Variants in GABPB1 observed in about 807,000 individuals in gnomAD.
The protein encoded by GABPB1 is GA-binding protein subunit beta-1.
GABPB1 carries 15 observed loss-of-function variants against 45.9 expected under a neutral mutation model. The observed-to-expected ratio is 0.33, with a 90% CI of 0.22 to 0.50. The LOEUF is 0.50. Among genes scored for constraint, GABPB1 ranks in the 20% least tolerant of loss-of-function variants. The pLI is 0.98. For synonymous variants in GABPB1, 143 were observed against 154.4 expected (o/e 0.93, Z 0.55); for missense variants, 252 against 457.5 (o/e 0.55, Z 4.10).
intron 2 of GABPB1, 31 bp downstream of exon 2, chr15:50,309,660 A>G (rs1567509285): frequency 7.6e-7 from 1 of 1,308,378 alleles, no homozygotes; most frequent in African/African-American, 1.5e-5. Flanking sequence ...GAGAAGGAAA[A>G]AGAACACACA....
intron 1 of GABPB1, among the ~76,000 whole-genome samples, chr15:50,314,958 T>C (rs62022570): frequency 0.28 from 42,915 of 152,200 alleles, 7,498 homozygotes; most frequent in Middle Eastern, 0.42. Flanking sequence ...AGTGATTTTA[T>C]GTGCTGGTAT....
chr15:50,311,497 T>C (rs1330814167), intron 1 of GABPB1, among the ~76,000 whole-genome samples: 1 of 152,192 alleles, frequency 6.6e-6, no homozygotes, highest in Admixed American at 6.5e-5. Context: ...ACAGGTTGAG[T>C]ATCCCTAATC....
chr15:50,316,733 AAAC>A (rs761125093), intron 1 of GABPB1, among the ~76,000 whole-genome samples: 16 of 152,246 alleles, frequency 1.1e-4, no homozygotes, highest in Non-Finnish European at 2.2e-4. Flanking sequence ...ATAAGGAAAA[AAAC>A]AACCACAAAC....
At chr15:50,290,893 T>G (rs1484990239) in intron 6 of GABPB1, among the ~76,000 whole-genome samples, 1 of 152,214 alleles carries the variant, frequency 6.6e-6, no homozygotes, top group African/African-American at 2.4e-5. Flanking sequence ...AATCACAAGT[T>G]AATACTGCCA....
chr15:50,317,823 G>A (rs995422538), intron 1 of GABPB1, among the ~76,000 whole-genome samples: 2 of 151,370 alleles, frequency 1.3e-5, no homozygotes, highest in Non-Finnish European at 2.9e-5. Context: ...GCAGGAGAAT[G>A]GCGCGAACCC....
At chr15:50,285,814 A>C (rs1233474427) in intron 8 of GABPB1, 1 of 1,269,054 alleles carries the variant, frequency 7.9e-7, no homozygotes, top group African/African-American at 1.5e-5. Flanking sequence ...ATGAAGTGGA[A>C]GAACCAAAGA....
At chr15:50,305,316 A>G (rs548385456) in intron 2 of GABPB1, among the ~76,000 whole-genome samples, 47 of 142,514 alleles carry the variant, frequency 3.3e-4, no homozygotes, top group African/African-American at 1.3e-3. Flanking sequence ...AGATAGATAT[A>G]TTTTTTGTTT....
intron 1 of GABPB1, among the ~76,000 whole-genome samples, chr15:50,341,361 C>T (rs538765748): frequency 3.3e-5 from 5 of 152,060 alleles, no homozygotes; most frequent in South Asian, 2.1e-4. Context: ...GGAGAAACCC[C>T]GTCTCTACTA....
At chr15:50,281,027 C>T (rs998246410) in intron 8 of GABPB1, among the ~76,000 whole-genome samples, 1 of 152,212 alleles carries the variant, frequency 6.6e-6, no homozygotes, top group African/African-American at 2.4e-5. Context: ...CATATTTTAA[C>T]TTCAAGAAGT....
At chr15:50,304,448 C>A (rs1217898175) in intron 2 of GABPB1, among the ~76,000 whole-genome samples, 1 of 152,144 alleles carries the variant, frequency 6.6e-6, no homozygotes, top group Admixed American at 6.6e-5. Context: ...TGGTGGCTCA[C>A]GCCTGTAATC....
At chr15:50,310,925 C>T (rs751535595) in intron 1 of GABPB1, among the ~76,000 whole-genome samples, 4 of 150,444 alleles carry the variant, frequency 2.7e-5, no homozygotes, top group Non-Finnish European at 4.4e-5. Flanking sequence ...TGCAGTGAGC[C>T]GAGATCATGC....
At chr15:50,288,294 A>G (rs947134986) in intron 7 of GABPB1, among the ~76,000 whole-genome samples, 1 of 152,192 alleles carries the variant, frequency 6.6e-6, no homozygotes, top group Non-Finnish European at 1.5e-5. Context: ...GGCCTCAAGC[A>G]ATCATCCCAC....
intron 6 of GABPB1, among the ~76,000 whole-genome samples, chr15:50,300,037 G>A (rs1380631601): frequency 6.6e-6 from 1 of 151,994 alleles, no homozygotes; most frequent in Non-Finnish European, 1.5e-5. Context: ...AGGGTTCTGG[G>A]CTCAAGCAAT....
intron 1 of GABPB1, among the ~76,000 whole-genome samples, chr15:50,336,102 G>A (rs1230624125): frequency 6.6e-6 from 1 of 151,908 alleles, no homozygotes; most frequent in African/African-American, 2.4e-5. Context: ...TGTAATCCCA[G>A]CACTTTGGGA....
Position 50,278,796 on chromosome 15 carries a change from A to G in GABPB1, c.1000-12T>C. On this transcript the variant is annotated splice_polypyrimidine_tract_variant and intron_variant, in intron 8 of 8. Coordinates refer to ENST00000380877, the MANE Select transcript of GABPB1 (RefSeq NM_016654.5). ...AGAGCTTCTCTCTCCTAATTAAAAG[A>G]AGAGGGTTTTTTTTTTAATTTTTGC... 1.3e-6 allele frequency: 2 copies of G among 1,525,704 alleles called. No individual in the cohort carries two copies. The highest frequency in any genetic ancestry group is 1.7e-6 in the Non-Finnish European group (2 of 1,149,364). The allele number at this position is 1,525,704 out of a possible 1,614,324, so 94.5% of individuals were successfully genotyped here.
intron 6 of GABPB1, among the ~76,000 whole-genome samples, chr15:50,291,575 C>T (rs1165777160): frequency 6.6e-6 from 1 of 151,534 alleles, no homozygotes; most frequent in Non-Finnish European, 1.5e-5. Context: ...ATCCGCCTGC[C>T]TTGGCCTCCC....
At chr15:50,333,349 G>A (rs2048007610) in intron 1 of GABPB1, among the ~76,000 whole-genome samples, 1 of 152,152 alleles carries the variant, frequency 6.6e-6, no homozygotes, top group African/African-American at 2.4e-5. Flanking sequence ...TGTGGTCCCA[G>A]GTACTCAGGA....
chr15:50,352,991 G>A (rs1009691319), intron 1 of GABPB1: 6 of 152,086 alleles, frequency 3.9e-5, no homozygotes, highest in East Asian at 1.9e-4. Context: ...TTTCACCAAA[G>A]GATTCACTGC....
At chr15:50,297,035 C>T (rs560427899) in intron 6 of GABPB1, among the ~76,000 whole-genome samples, 3 of 151,428 alleles carry the variant, frequency 2.0e-5, no homozygotes, top group Admixed American at 1.3e-4. Context: ...CTCAGCCTCC[C>T]GAGTAGCTGG....
Sources: allele counts gnomAD v4.1 joint callset (sites outside exome capture counted in the v4.1 genomes callset), GRCh38; gene constraint gnomAD v4.1.1; transcripts MANE v1.5; gene names NCBI Gene and HGNC (gene_info 2026-07-23, HGNC 2026-07-21).